Variants in MAP7 observed in about 807,000 individuals in gnomAD.
MAP7 encodes microtubule associated protein 7, also known as ensconsin.
In MAP7, 52 loss-of-function variants were observed where a neutral mutation model predicts 94.8. The observed-to-expected ratio is 0.55, with a 90% CI of 0.44 to 0.69. The LOEUF (loss-of-function observed/expected upper bound fraction) is 0.69. Among genes scored for constraint, MAP7 ranks in the 30% least tolerant of loss-of-function variants. The pLI is 0.00. For synonymous variants in MAP7, 350 were observed against 357.0 expected (o/e 0.98, Z 0.22); for missense variants, 940 against 964.6 (o/e 0.97, Z 0.34).
chr6:136,518,839 C>G (rs1276341998), intron 1 of MAP7, among the ~76,000 whole-genome samples: 2 of 152,168 alleles, frequency 1.3e-5, no homozygotes, highest in Admixed American at 1.3e-4. Context: ...CTGGGAGGCT[C>G]TAAGTAAACA....
At chr6:136,390,125 T>C (rs193046573) in intron 3 of MAP7, among the ~76,000 whole-genome samples, 8 of 152,316 alleles carry the variant, frequency 5.3e-5, no homozygotes, top group African/African-American at 1.7e-4. Flanking sequence ...TCCAAAATTA[T>C]CGTTCAACAA....
chr6:136,403,955 T>C (rs1326208449), intron 3 of MAP7, among the ~76,000 whole-genome samples: 1 of 152,238 alleles, frequency 6.6e-6, no homozygotes. Context: ...GTGACAATTT[T>C]AGGAGATGCA....
chr6:136,393,865 T>C (rs1273960454), intron 3 of MAP7, among the ~76,000 whole-genome samples: 2 of 143,298 alleles, frequency 1.4e-5, no homozygotes, highest in Non-Finnish European at 3.0e-5. Context: ...GGTCTCAAAC[T>C]CCTAGCTTCA....
intron 1 of MAP7, among the ~76,000 whole-genome samples, chr6:136,422,844 G>A (rs898277552): frequency 1.3e-5 from 2 of 152,114 alleles, no homozygotes; most frequent in African/African-American, 2.4e-5. Flanking sequence ...TTTCATATCA[G>A]TCTTTTTCTT....
At chr6:136,429,228 C>G (rs1794178026) in intron 1 of MAP7, among the ~76,000 whole-genome samples, 1 of 151,970 alleles carries the variant, frequency 6.6e-6, no homozygotes, top group South Asian at 2.1e-4. Flanking sequence ...ATGTTTTGAC[C>G]CCACTTCATA....
intron 7 of MAP7, 33 bp downstream of exon 7, chr6:136,377,722 C>G: frequency 6.5e-7 from 1 of 1,530,500 alleles, no homozygotes; most frequent in Middle Eastern, 1.7e-4. Context: ...AGGACTTGAC[C>G]TCATGGGGAA....
chr6:136,400,155 G>A (rs943728503), intron 3 of MAP7, among the ~76,000 whole-genome samples: 6 of 151,960 alleles, frequency 3.9e-5, no homozygotes, highest in East Asian at 1.9e-4. Flanking sequence ...GGTGGCTCAC[G>A]CCTGTAATCC....
At chr6:136,433,383 T>C (rs1295835007) in intron 1 of MAP7, among the ~76,000 whole-genome samples, 1 of 152,064 alleles carries the variant, frequency 6.6e-6, no homozygotes, top group African/African-American at 2.4e-5. Flanking sequence ...TGAGTATTAT[T>C]TACCTTCTTC....
chr6:136,490,940 C>T (rs1816400363), intron 1 of MAP7, among the ~76,000 whole-genome samples: 1 of 152,312 alleles, frequency 6.6e-6, no homozygotes, highest in East Asian at 1.9e-4. Context: ...TCCCTTCTCC[C>T]CATAATCACT....
At chr6:136,505,251 A>ATGTGTG (rs67294964) in intron 1 of MAP7, among the ~76,000 whole-genome samples, 4 of 87,470 alleles carry the variant, frequency 4.6e-5, no homozygotes, top group African/African-American at 9.4e-5. Flanking sequence ...TTTCCATGTA[A>ATGTGTG]TGTGTGTGTG....
At position 136,525,975 on chromosome 6, in the gene MAP7, CTTGT is replaced by C. The variant is rs1366441567; in HGVS notation, c.67+24363_67+24366del. 1.8e-5 allele frequency: 26 copies of C among 1,459,498 alleles called. No homozygotes were observed. The Middle Eastern group carries it at 7.3e-4, about 41-fold the overall frequency. 90.4% of individuals were successfully genotyped at this position (1,459,498 alleles called of 1,614,324 possible). On this transcript the variant is annotated intron_variant, in intron 1 of 17. Coordinates refer to ENST00000354570, the MANE Select transcript of MAP7 (RefSeq NM_003980.6). ...AGCTGATCCAGGCATACCGCTGCTA[CTTGT>C]TTTTTTTTTTTTTAATTGTGATTAT...
chr6:136,468,353 C>T (rs1428544274), intron 1 of MAP7, among the ~76,000 whole-genome samples: 2 of 152,068 alleles, frequency 1.3e-5, no homozygotes, highest in Non-Finnish European at 2.9e-5. Flanking sequence ...CTCACAACAA[C>T]CCTATTATGA....
intron 4 of MAP7, 40 bp from the exon 5 acceptor site, chr6:136,388,550 G>T: frequency 6.5e-7 from 1 of 1,530,376 alleles, no homozygotes; most frequent in South Asian, 1.1e-5. Flanking sequence ...GATTCCAGCT[G>T]GTTGTTTGAA....
chr6:136,490,767 G>A (rs1049217108), intron 1 of MAP7, among the ~76,000 whole-genome samples: 6 of 152,138 alleles, frequency 3.9e-5, no homozygotes, highest in Non-Finnish European at 5.9e-5. Flanking sequence ...GTGCTGCTTG[G>A]AAGATGAGCC....
intron 1 of MAP7, among the ~76,000 whole-genome samples, chr6:136,514,563 A>T (rs986716307): frequency 1.5e-5 from 2 of 137,624 alleles, no homozygotes; most frequent in Non-Finnish European, 3.1e-5. Context: ...CCTGGGTGAC[A>T]GAGCAAGACT....
chr6:136,376,176 G>A (rs1428023668), intron 7 of MAP7, among the ~76,000 whole-genome samples: 1 of 151,954 alleles, frequency 6.6e-6, no homozygotes, highest in African/African-American at 2.4e-5. Context: ...TCAGCTCACT[G>A]CAAGCTCCGC....
intron 1 of MAP7, among the ~76,000 whole-genome samples, chr6:136,449,346 C>T (rs1213382034): frequency 1.3e-5 from 2 of 152,098 alleles, no homozygotes; most frequent in Non-Finnish European, 2.9e-5. Flanking sequence ...AAATGTAAGG[C>T]AATTTAAATT....
At chr6:136,514,871 C>T (rs1188202961) in intron 1 of MAP7, among the ~76,000 whole-genome samples, 1 of 152,158 alleles carries the variant, frequency 6.6e-6, no homozygotes, top group Non-Finnish European at 1.5e-5. Flanking sequence ...TTGGCTTCAA[C>T]TCCAAGTCAA....
chr6:136,440,973 T>G (rs1031791238), intron 1 of MAP7, among the ~76,000 whole-genome samples: 5 of 152,200 alleles, frequency 3.3e-5, no homozygotes, highest in African/African-American at 4.8e-5. Context: ...TGTATTTCAC[T>G]TAATATAATG....
Sources: allele counts gnomAD v4.1 joint callset (sites outside exome capture counted in the v4.1 genomes callset), GRCh38; gene constraint gnomAD v4.1.1; transcripts MANE v1.5; gene names NCBI Gene and HGNC (gene_info 2026-07-23, HGNC 2026-07-21).